ADCY1: variants seen among roughly 807,000 people sequenced by gnomAD.
ADCY1 encodes the protein adenylate cyclase 1, also known as adenylate cyclase type 1.
In ADCY1, 28 loss-of-function variants were observed where a neutral mutation model predicts 105.4. The observed-to-expected ratio is 0.27, with a 90% CI of 0.20 to 0.36. ADCY1 has a LOEUF of 0.36. ADCY1 is among the 10% of genes least tolerant of loss of function. The pLI, the probability that ADCY1 is intolerant of heterozygous loss-of-function variation, is 1.00. For missense variants in ADCY1, 977 were observed against 1,434.2 expected (o/e 0.68, Z 5.15); for synonymous variants, 655 against 623.8 (o/e 1.05, Z -0.75).
chr7:45,684,532 A>G (rs190324813), intron 11 of ADCY1: 2 of 153,438 alleles, frequency 1.3e-5, no homozygotes, highest in African/African-American at 4.8e-5. Flanking sequence ...TGTATAATAC[A>G]TAGATTTAAA....
intron 7 of ADCY1, among the ~76,000 whole-genome samples, chr7:45,661,673 G>A (rs1795110249): frequency 1.3e-5 from 2 of 152,134 alleles, no homozygotes; most frequent in African/African-American, 4.8e-5. Flanking sequence ...CTCCCCATGC[G>A]ATTTCTTTCC....
intron 5 of ADCY1, among the ~76,000 whole-genome samples, chr7:45,656,908 G>C (rs532329760): frequency 2.0e-5 from 3 of 152,348 alleles, no homozygotes; most frequent in Non-Finnish European, 2.9e-5. Context: ...TACTGGGTTA[G>C]AGTTTAAATG....
chr7:45,675,957 T>C (rs564720179), intron 8 of ADCY1, among the ~76,000 whole-genome samples: 62 of 152,304 alleles, frequency 4.1e-4, no homozygotes, highest in African/African-American at 1.4e-3. Context: ...TTGTCCAGTC[T>C]TACACCCTTT....
intron 1 of ADCY1, among the ~76,000 whole-genome samples, chr7:45,576,245 G>C (rs968313554): frequency 2.0e-5 from 3 of 152,124 alleles, no homozygotes; most frequent in Non-Finnish European, 4.4e-5. Context: ...AAGAATAACT[G>C]GGGGGCGGTG....
intron 8 of ADCY1, among the ~76,000 whole-genome samples, chr7:45,672,125 G>A (rs1784379199): frequency 6.6e-6 from 1 of 152,132 alleles, no homozygotes; most frequent in Non-Finnish European, 1.5e-5. Flanking sequence ...TAAGGTGTAA[G>A]TTTCAGTTAT....
At chr7:45,625,572 T>C (rs1274103520) in intron 4 of ADCY1, among the ~76,000 whole-genome samples, 2 of 152,178 alleles carry the variant, frequency 1.3e-5, no homozygotes, top group Non-Finnish European at 2.9e-5. Context: ...AATGCATATG[T>C]GTGTTATGTG....
At chr7:45,659,961 C>A in intron 6 of ADCY1, 81 bp from the exon 7 acceptor site, 1 of 1,550,472 alleles carries the variant, frequency 6.4e-7, no homozygotes, top group South Asian at 1.2e-5. Flanking sequence ...CTGTCTGTGC[C>A]CCTTCCCCTC....
chr7:45,655,724 A>G (rs1319151058), intron 5 of ADCY1, among the ~76,000 whole-genome samples: 1 of 152,178 alleles, frequency 6.6e-6, no homozygotes, highest in African/African-American at 2.4e-5. Context: ...GCCACTTGCT[A>G]GGAGCCTAAA....
intron 4 of ADCY1, among the ~76,000 whole-genome samples, chr7:45,626,025 G>A (rs1007098220): frequency 1.3e-5 from 2 of 152,206 alleles, no homozygotes; most frequent in Non-Finnish European, 2.9e-5. Context: ...CTTCCTAGAG[G>A]CTTGGTGGCT....
intron 4 of ADCY1, among the ~76,000 whole-genome samples, chr7:45,625,563 AT>A (rs1411162449): frequency 1.2e-4 from 18 of 152,094 alleles, no homozygotes; most frequent in Non-Finnish European, 2.5e-4. Flanking sequence ...GTGCCTGCAA[AT>A]GCATATGTGT....
chr7:45,663,191 C>T (rs1209345146), intron 8 of ADCY1, among the ~76,000 whole-genome samples: 3 of 152,220 alleles, frequency 2.0e-5, no homozygotes, highest in South Asian at 2.1e-4. Flanking sequence ...TCTTCTCTGC[C>T]GCTCTGCTAC....
intron 3 of ADCY1, among the ~76,000 whole-genome samples, chr7:45,610,710 G>T: frequency 1.0e-5 from 1 of 95,644 alleles, no homozygotes; most frequent in Non-Finnish European, 2.2e-5. Context: ...GGAGGTGATG[G>T]TGGAGGTGAG....
intron 3 of ADCY1, among the ~76,000 whole-genome samples, chr7:45,619,966 T>C (rs1793846599): frequency 6.6e-6 from 1 of 152,218 alleles, no homozygotes; most frequent in Admixed American, 6.5e-5. Flanking sequence ...GTACACCACA[T>C]ATACACATGA....
At position 45,685,026 on chromosome 7, in the gene ADCY1, T is replaced by G; in HGVS notation, c.2031T>G (p.Ile677Met). 1 of 1,614,220 alleles carries G rather than the reference T, an allele frequency of 6.2e-7. No homozygotes were observed. ...LTIQIRTVLCIFIVVLIYSVA... is the reference protein window; with the variant it reads ...LTIQIRTVLCMFIVVLIYSVA... Reference sequence around the variant, plus strand: ...TTCAGATTCGCACTGTCCTGTGTATTTTCATAGTGGTCTTAATCTACTCAG... The same window carrying G: ...TTCAGATTCGCACTGTCCTGTGTATGTTCATAGTGGTCTTAATCTACTCAG... Residue 677 changes from isoleucine to methionine, a missense_variant, in exon 12 of 20, where the codon ATT becomes ATG. Around this residue, in one of 7 missense-constraint regions of ADCY1, gnomAD observed 275 missense variants for 362.1 expected, o/e 0.76. Transcript: ENST00000297323.
chr7:45,666,955 G>T (rs1403409607), intron 8 of ADCY1, among the ~76,000 whole-genome samples: 14 of 152,100 alleles, frequency 9.2e-5, no homozygotes, highest in Admixed American at 9.2e-4. Flanking sequence ...CATATCCTTC[G>T]CCCACTTTTT....
intron 18 of ADCY1, among the ~76,000 whole-genome samples, chr7:45,709,246 C>A (rs1179360936): frequency 6.6e-6 from 1 of 152,118 alleles, no homozygotes; most frequent in Non-Finnish European, 1.5e-5. Context: ...GCCAGCTGGG[C>A]CCTGGGCTCT....
chr7:45,705,706 GA>G (rs1188529290), intron 17 of ADCY1, among the ~76,000 whole-genome samples: 2 of 152,152 alleles, frequency 1.3e-5, no homozygotes, highest in Non-Finnish European at 2.9e-5. Context: ...CATTTTACTG[GA>G]AGGCAGTAAG....
chr7:45,642,477 G>A (rs1368201361), intron 4 of ADCY1, among the ~76,000 whole-genome samples: 2 of 152,110 alleles, frequency 1.3e-5, no homozygotes, highest in African/African-American at 2.4e-5. Flanking sequence ...CTTTAACAGT[G>A]CCCCTCCCAT....
At chr7:45,665,020 A>G (rs1228163143) in intron 8 of ADCY1, among the ~76,000 whole-genome samples, 3 of 152,186 alleles carry the variant, frequency 2.0e-5, no homozygotes, top group Non-Finnish European at 4.4e-5. Flanking sequence ...TATGAGTGAG[A>G]ACATGCGGTG....
Sources: gnomAD v4.1 joint callset for allele counts (sites outside exome capture counted in the v4.1 genomes callset) on GRCh38, gnomAD v4.1.1 for gene constraint, gnomAD v4.1.1 regional missense constraint, MANE v1.5 for transcripts, NCBI Gene and HGNC (gene_info 2026-07-23, HGNC 2026-07-21) for gene names.